Variants in CNTN1 observed in about 807,000 individuals in gnomAD.
CNTN1 encodes the protein contactin-1.
In CNTN1, 38 loss-of-function variants were observed where a neutral mutation model predicts 126.4. That is an observed-to-expected ratio of 0.30 (90% CI 0.23 to 0.39). The LOEUF is 0.39. Among genes scored for constraint, CNTN1 ranks in the 10% least tolerant of loss-of-function variants. The pLI, the probability that CNTN1 is intolerant of heterozygous loss-of-function variation, is 1.00. For synonymous variants in CNTN1, 413 were observed against 422.6 expected (o/e 0.98, Z 0.28); for missense variants, 1,009 against 1,248.4 (o/e 0.81, Z 2.89).
Position 40,968,667 on chromosome 12 carries a change from C to A in CNTN1, c.1804+9433C>A, listed in dbSNP as rs920100368. ...CTATAAATTTTACCACGTCATCCTA[C>A]AAAATTGCTGTGAGGTGGTAGTACA... On this transcript the variant is annotated intron_variant, in intron 15 of 23. Transcript: ENST00000551295. Among the ~76,000 whole-genome samples the A allele has an allele frequency of 2.6e-5, 4 of 152,164 alleles. No homozygotes were observed. In the East Asian group the frequency reaches 7.7e-4, roughly 29 times the overall value.
rs1488414559 is a variant in CNTN1, at chr12:40,811,418, C to T, written c.-76-96939C>T. On this transcript the variant is annotated intron_variant, in intron 1 of 23. Transcript: ENST00000551295. ...TTTGGTATAAGGATAAAGCTGGCCTCATTAAAATGAGTTTGAAAATGTTCA... is the reference window on the plus strand; with the variant it reads ...TTTGGTATAAGGATAAAGCTGGCCTTATTAAAATGAGTTTGAAAATGTTCA... Among the ~76,000 whole-genome samples the T allele has an allele frequency of 3.3e-5, 5 of 152,062 alleles. No individual in the cohort carries two copies. In the East Asian group the frequency reaches 9.6e-4, roughly 29 times the overall value.
chr12:41,061,750 A>G (rs1949942763), intron 23 of CNTN1: 1 of 455,600 alleles, frequency 2.2e-6, no homozygotes, highest in African/African-American at 2.0e-5. Flanking sequence ...ATTAAACCCT[A>G]TCATTTTACA....
chr12:40,950,748 C>T (rs996682248), intron 14 of CNTN1, among the ~76,000 whole-genome samples: 1 of 151,940 alleles, frequency 6.6e-6, no homozygotes, highest in Non-Finnish European at 1.5e-5. Flanking sequence ...CAGTGTTAAA[C>T]GAAGGAAGGT....
At chr12:41,061,909 T>C (rs1279522570) in intron 23 of CNTN1, 1 of 407,370 alleles carries the variant, frequency 2.5e-6, no homozygotes, top group Non-Finnish European at 4.9e-6. Context: ...GTCTTTTTTC[T>C]TCTCTACCTA....
chr12:40,954,573 C>T (rs978148748), intron 14 of CNTN1, among the ~76,000 whole-genome samples: 1 of 152,032 alleles, frequency 6.6e-6, no homozygotes, highest in Non-Finnish European at 1.5e-5. Flanking sequence ...AGGCCAGCTG[C>T]AAAGTTGGGC....
chr12:40,791,213 A>G (rs1940209729), intron 1 of CNTN1, among the ~76,000 whole-genome samples: 1 of 152,162 alleles, frequency 6.6e-6, no homozygotes, highest in Non-Finnish European at 1.5e-5. Context: ...AAATGAAAAG[A>G]GACTCACTTT....
intron 1 of CNTN1, among the ~76,000 whole-genome samples, chr12:40,887,221 G>C (rs908185213): frequency 2.0e-5 from 3 of 151,894 alleles, no homozygotes; most frequent in South Asian, 4.2e-4. Flanking sequence ...TCTTCCATTT[G>C]TTTGTATCCT....
At chr12:41,015,209 T>A (rs974435158) in intron 18 of CNTN1, among the ~76,000 whole-genome samples, 1 of 148,594 alleles carries the variant, frequency 6.7e-6, no homozygotes, top group Non-Finnish European at 1.5e-5. Flanking sequence ...AAAAAAAAAC[T>A]AATCTGAATC....
At chr12:40,834,747 C>T (rs1941983805) in intron 1 of CNTN1, among the ~76,000 whole-genome samples, 1 of 151,986 alleles carries the variant, frequency 6.6e-6, no homozygotes, top group Admixed American at 6.6e-5. Flanking sequence ...CCTGAGGAAA[C>T]GACTTTTATT....
At position 40,944,050 on chromosome 12, in the gene CNTN1, C is replaced by A. The variant is rs201595623; in HGVS notation, c.1563C>A (p.Asn521Lys). The change falls in exon 14 of 24, where the codon AAC becomes AAA. Residue 521 changes from asparagine to lysine, a missense_variant. Transcript: ENST00000551295. Reference protein sequence around the residue: ...PINADITVGENATMQCAASFD... With the variant: ...PINADITVGEKATMQCAASFD... ...ATGCCGATATCACAGTTGGAGAAAA[C>A]GCCACCATGCAGTGTGCTGCGTCCT... 1 of 1,613,476 alleles carries A rather than the reference C, an allele frequency of 6.2e-7. No individual in the cohort carries two copies. Among genetic ancestry groups the A allele is most frequent in the Admixed American group, 1.7e-5 (1 of 59,924 alleles).
intron 1 of CNTN1, among the ~76,000 whole-genome samples, chr12:40,813,795 A>G (rs371918945): frequency 6.6e-6 from 1 of 152,150 alleles, no homozygotes; most frequent in East Asian, 1.9e-4. Context: ...GGTTGAACTA[A>G]TTTACATTCC....
At chr12:41,053,734 G>A (rs1223160029) in intron 23 of CNTN1, among the ~76,000 whole-genome samples, 1 of 150,948 alleles carries the variant, frequency 6.6e-6, no homozygotes. Flanking sequence ...ATAATATAAT[G>A]CTAGCTCATA....
chr12:41,072,239 C>T lies in CNTN1; in HGVS notation c.*2204C>T, dbSNP rs186545967. The T allele has an allele frequency of 6.6e-6, 1 of 152,042 alleles. No individual in the cohort carries two copies. Among genetic ancestry groups the T allele is most frequent in the South Asian group, 2.1e-4 (1 of 4,822 alleles). The allele number at this position is 152,042 out of a possible 1,614,324, so 9.4% of individuals were successfully genotyped here. A position where few individuals can be genotyped will look rare whatever the true frequency, so the allele number is the denominator to read the frequency against. On this transcript the variant is annotated 3_prime_UTR_variant, in exon 24 of 24. Transcript: ENST00000551295. ...ATAGGTATAGATACATCTGTTGTTT[C>T]TTTGTATTTCAGGAAAGGTGATAGT... is the stretch of plus-strand genomic sequence containing the variant.
intron 2 of CNTN1, 127 bp from the exon 3 acceptor site, chr12:40,909,946 C>A: frequency 1.4e-6 from 1 of 703,838 alleles, no homozygotes; most frequent in Non-Finnish European, 2.6e-6. Context: ...GAAGATACTT[C>A]AACCTTTATA....
At chr12:40,748,800 C>G (rs763115629) in intron 1 of CNTN1, among the ~76,000 whole-genome samples, 1 of 151,750 alleles carries the variant, frequency 6.6e-6, no homozygotes, top group African/African-American at 2.4e-5. Context: ...GATTACTATG[C>G]TTAAAAAAAT....
intron 15 of CNTN1, among the ~76,000 whole-genome samples, chr12:40,969,828 T>C (rs1348093103): frequency 1.3e-5 from 2 of 152,078 alleles, no homozygotes; most frequent in Non-Finnish European, 2.9e-5. Context: ...CTTTATCCTT[T>C]GGGAAAAAAA....
intron 1 of CNTN1, among the ~76,000 whole-genome samples, chr12:40,716,251 T>C (rs1327324456): frequency 6.6e-6 from 1 of 151,672 alleles, no homozygotes; most frequent in Non-Finnish European, 1.5e-5. Flanking sequence ...TCTCTCCTTT[T>C]CTTCTTCCCT....
chr12:40,710,901 C>T (rs1941896257), intron 1 of CNTN1, among the ~76,000 whole-genome samples: 1 of 152,150 alleles, frequency 6.6e-6, no homozygotes, highest in Non-Finnish European at 1.5e-5. Context: ...TAGTGTAACT[C>T]ACACATAAGC....
intron 1 of CNTN1, among the ~76,000 whole-genome samples, chr12:40,882,201 C>G (rs776718178): frequency 6.6e-6 from 1 of 151,570 alleles, no homozygotes; most frequent in Non-Finnish European, 1.5e-5. Flanking sequence ...AAAGAAGTAT[C>G]AGGAAAATAG....
Sources: gnomAD v4.1 joint callset for allele counts (sites outside exome capture counted in the v4.1 genomes callset) on GRCh38, gnomAD v4.1.1 for gene constraint, MANE v1.5 for transcripts, NCBI Gene and HGNC (gene_info 2026-07-23, HGNC 2026-07-21) for gene names.